Variants in GNA11 observed in about 807,000 individuals in gnomAD.
GNA11 encodes G protein subunit alpha 11, also known as guanine nucleotide-binding protein subunit alpha-11.
Under a neutral mutation model 38.2 loss-of-function variants are expected in GNA11, and 8 were observed. That is an observed-to-expected ratio of 0.21 (90% confidence interval 0.12 to 0.38). The LOEUF (loss-of-function observed/expected upper bound fraction) is 0.38, where lower values mean the gene tolerates loss of function less well. GNA11 is among the 10% of genes least tolerant of loss of function. The pLI is 1.00. For synonymous variants in GNA11, 211 were observed against 221.4 expected, an observed-to-expected ratio of 0.95 and a Z score of 0.42; for missense variants, 268 against 516.3, an observed-to-expected ratio of 0.52 and a Z score of 4.66.
At chr19:3,095,279 A>G (rs1252372106) in intron 1 of GNA11, among the ~76,000 whole-genome samples, 3 of 152,100 alleles carry the variant, frequency 2.0e-5, no homozygotes, top group Non-Finnish European at 4.4e-5. Flanking sequence ...TTGGGCCTCC[A>G]GGACTCTTCA....
intron 1 of GNA11, among the ~76,000 whole-genome samples, chr19:3,095,982 C>T (rs938974470): frequency 6.6e-6 from 1 of 152,156 alleles, no homozygotes; most frequent in Non-Finnish European, 1.5e-5. Flanking sequence ...TGCCCTGCCC[C>T]GCCCCTGCCC....
chr19:3,122,727 C>A lies in GNA11; in HGVS notation c.*1548C>A, dbSNP rs1218134705. On this transcript the variant is annotated 3_prime_UTR_variant, in exon 7 of 7. Transcript: ENST00000078429. This position sits in a 1 kb window ranked among gnomAD's most constrained non-coding sequence, Gnocchi z 7.7. ...GGCTGCTTCTGGCCTCGACAGATGA[C>A]AAAAGAAACAGCCCCAAAATACGAC... 1 of 233,500 alleles carries A rather than the reference C, an allele frequency of 4.3e-6. No homozygotes were observed. Among genetic ancestry groups the A allele is most frequent in the Non-Finnish European group, 8.5e-6 (1 of 118,340 alleles). The allele number at this position is 233,500 out of a possible 1,614,324, so 14.5% of individuals were successfully genotyped here.
chr19:3,115,271 T>G, intron 4 of GNA11, 199 bp downstream of exon 4: 1 of 528,900 alleles, frequency 1.9e-6, no homozygotes, highest in Non-Finnish European at 3.3e-6. Flanking sequence ...TGGGCGTGGT[T>G]GTGTGCACCT....
At chr19:3,095,077 C>T (rs1433597470) in intron 1 of GNA11, among the ~76,000 whole-genome samples, 1 of 151,838 alleles carries the variant, frequency 6.6e-6, no homozygotes, top group Non-Finnish European at 1.5e-5. Context: ...GGGGTCAGCC[C>T]TGCCTTTGCT....
At position 3,119,328 on chromosome 19, in the gene GNA11, G is replaced by C. The variant is rs118125169; in HGVS notation, c.858G>C (p.Ser286=). 283 of 1,613,796 alleles carry C rather than the reference G, an allele frequency of 1.8e-4. 1 individual carries two copies. Among genetic ancestry groups the C allele is most frequent in the Middle Eastern group, 1.2e-3 (7 of 6,060 alleles). The change falls in exon 6 of 7, where the codon TCG becomes TCC. Residue 286 remains serine (S), a synonymous_variant. Coordinates refer to ENST00000078429, the MANE Select transcript of GNA11 (RefSeq NM_002067.5). The surrounding 1 kb of genome is among the most constrained non-coding windows in gnomAD (Gnocchi z 4.6). ...TGCTGGAGGACAAGATCCTGTACTC[G>C]CACCTGGTGGACTACTTCCCCGAGT... ...KDLLEDKILY[S]HLVDYFPEFD...
intron 1 of GNA11, among the ~76,000 whole-genome samples, chr19:3,107,999 T>C (rs308059): frequency 0.82 from 125,445 of 152,154 alleles, 51,952 homozygotes; most frequent in Admixed American, 0.88. Flanking sequence ...GGCTGAGAGG[T>C]GGATTACTAC....
chr19:3,102,075 G>A (rs911681039), intron 1 of GNA11, among the ~76,000 whole-genome samples: 2 of 152,004 alleles, frequency 1.3e-5, no homozygotes, highest in Admixed American at 1.3e-4. Context: ...CAGCCTGGGC[G>A]ACCGAGGGAG....
Position 3,104,089 on chromosome 19 carries a change from G to A in GNA11, c.137-6060G>A, listed in dbSNP as rs896784642. Among the ~76,000 whole-genome samples, 5 of 152,338 alleles carry A rather than the reference G, an allele frequency of 3.3e-5. No individual in the cohort carries two copies. In the East Asian group the frequency reaches 7.7e-4, roughly 24 times the overall value. On this transcript the variant is annotated intron_variant, in intron 1 of 6. Coordinates refer to ENST00000078429, the MANE Select transcript of GNA11 (RefSeq NM_002067.5). ...CACCTGCCTCGGCCTCAAAGTGCTG[G>A]GATTACAGGCGTGAGCCACCGCGCC...
At chr19:3,116,742 TCTC>T (rs1481292401) in intron 4 of GNA11, among the ~76,000 whole-genome samples, 2 of 152,152 alleles carry the variant, frequency 1.3e-5, no homozygotes, top group African/African-American at 2.4e-5. Flanking sequence ...GCGGGTGCCT[TCTC>T]CTGCAGTGCA....
rs1009389281 is a variant in GNA11 at position 3,119,975 on chromosome 19, C to G, written c.889+616C>G. Among the ~76,000 whole-genome samples, 6 of 151,964 alleles carry G rather than the reference C, an allele frequency of 3.9e-5. No individual in the cohort carries two copies. The highest frequency in any genetic ancestry group is 3.3e-4 in the Admixed American group (5 of 15,272). ...CAGCCCTCTCTGGGCCTGGGGATGG[C>G]GGCCAGGGGAGGGTGTTGTGTGCCC... On this transcript the variant is annotated intron_variant, in intron 6 of 6. Transcript: ENST00000078429. This position sits in a 1 kb window ranked among gnomAD's most constrained non-coding sequence, Gnocchi z 4.6.
intron 1 of GNA11, among the ~76,000 whole-genome samples, chr19:3,096,572 CA>C (rs942495393): frequency 5.9e-5 from 9 of 152,192 alleles, no homozygotes; most frequent in Non-Finnish European, 1.0e-4. Context: ...GGACGAAGGT[CA>C]GGGGCTCCCG....
chr19:3,105,573 G>A (rs1913620593), intron 1 of GNA11, among the ~76,000 whole-genome samples: 1 of 152,154 alleles, frequency 6.6e-6, no homozygotes, highest in South Asian at 2.1e-4. Flanking sequence ...CCCCCCAAGA[G>A]CTCCGTGGCG....
In GNA11 at chr19:3,120,554, G is replaced by C. The variant is rs1304351257; in HGVS notation, c.890-435G>C. Among the ~76,000 whole-genome samples, 2 of 152,108 alleles carry C rather than the reference G, an allele frequency of 1.3e-5. No individual in the cohort carries two copies. The highest frequency in any genetic ancestry group is 2.9e-5 in the Non-Finnish European group (2 of 67,992). On this transcript the variant is annotated intron_variant, in intron 6 of 6. Transcript: ENST00000078429. This position sits in a 1 kb window ranked among gnomAD's most constrained non-coding sequence, Gnocchi z 5.9. ...TGGATGTCTCTGAGGCCTGGCTGCA[G>C]CAGGGGCACCGTGGGTGGGTGGGGG...
intron 1 of GNA11, among the ~76,000 whole-genome samples, chr19:3,096,940 C>T (rs1193140597): frequency 6.6e-6 from 1 of 152,162 alleles, no homozygotes; most frequent in Non-Finnish European, 1.5e-5. Context: ...GAATCTGATG[C>T]GACAGACCCT....
chr19:3,114,804 C>T (rs1306143933), intron 3 of GNA11, 140 bp from the exon 4 acceptor site: 2 of 769,582 alleles, frequency 2.6e-6, no homozygotes, highest in African/African-American at 1.8e-5. Flanking sequence ...CGGGCTGCTT[C>T]AGACACTGCC....
rs188325469 is a variant in GNA11, at chr19:3,097,951, C to A, written c.136+3164C>A. ...ATGTCTCTAGACAGTGCCCATTGTC[C>A]CTTGGGGGGCACGTTGCCCCCATTT... On this transcript the variant is annotated intron_variant, in intron 1 of 6. Coordinates refer to ENST00000078429, the MANE Select transcript of GNA11 (RefSeq NM_002067.5). 4.7e-5 allele frequency among the ~76,000 whole-genome samples: 7 copies of A among 148,216 alleles called. No individual in the cohort carries two copies. The East Asian group carries it at 1.4e-3, about 30-fold the overall frequency.
rs1914001410 is a variant in GNA11 at position 3,119,123 on chromosome 19, T to TCACCTGGGTCCCCC, written c.735+73_736-67dup. 9 of 1,602,658 alleles carry TCACCTGGGTCCCCC rather than the reference T, an allele frequency of 5.6e-6. No individual in the cohort carries two copies. Among genetic ancestry groups the TCACCTGGGTCCCCC allele is most frequent in the Non-Finnish European group, 6.8e-6 (8 of 1,171,222 alleles). On this transcript the variant is annotated intron_variant, in intron 5 of 6. Coordinates refer to ENST00000078429, the MANE Select transcript of GNA11 (RefSeq NM_002067.5). This position sits in a 1 kb window ranked among gnomAD's most constrained non-coding sequence, Gnocchi z 4.6. ...CCCCACCTGCCAAGCCTGGGTCCCC[T>TCACCTGGGTCCCCC]CACCTGGGTCCCCCCAGCTGCCCCT...
chr19:3,102,451 C>T (rs1913528488), intron 1 of GNA11, among the ~76,000 whole-genome samples: 1 of 152,222 alleles, frequency 6.6e-6, no homozygotes, highest in Admixed American at 6.5e-5. Context: ...GGGTGCACTT[C>T]CTCTCTCAGG....
At chr19:3,114,484 C>T (rs561265327) in intron 3 of GNA11, among the ~76,000 whole-genome samples, 6 of 152,262 alleles carry the variant, frequency 3.9e-5, no homozygotes, top group East Asian at 1.9e-4. Flanking sequence ...AGCAGGGAGA[C>T]GGGCACGGGG....
Sources: allele counts gnomAD v4.1 joint callset (sites outside exome capture counted in the v4.1 genomes callset), GRCh38; gene constraint gnomAD v4.1.1; non-coding constraint Gnocchi (gnomAD v3.1); transcripts MANE v1.5; gene names NCBI Gene and HGNC (gene_info 2026-07-23, HGNC 2026-07-21).